MCUB: variants seen among roughly 807,000 people sequenced by gnomAD.
The protein encoded by MCUB is mitochondrial calcium uniporter dominant negative subunit beta.
MCUB carries 46 observed loss-of-function variants against 41.4 expected under a neutral mutation model. The observed-to-expected ratio is 1.11, with a 90% CI of 0.88 to 1.42. The LOEUF is 1.42. Among genes scored for constraint, MCUB ranks in the 40% most tolerant of loss-of-function variants. The probability of loss-of-function intolerance (pLI) is 0.00; values close to 1 mark genes in which losing one functional copy is unlikely to be tolerated. For synonymous variants in MCUB, 148 were observed against 148.2 expected, an observed-to-expected ratio of 1.00 and a Z score of 0.01; for missense variants, 403 against 404.9, an observed-to-expected ratio of 1.00 and a Z score of 0.04.
chr4:109,590,740 T>C (rs1452579594), intron 1 of MCUB, among the ~76,000 whole-genome samples: 3 of 152,192 alleles, frequency 2.0e-5, no homozygotes, highest in Non-Finnish European at 4.4e-5. Flanking sequence ...AGGATTTAGC[T>C]CTTTTCACTC....
intron 1 of MCUB, among the ~76,000 whole-genome samples, chr4:109,578,250 A>G (rs1182032895): frequency 3.9e-5 from 6 of 152,310 alleles, no homozygotes; most frequent in African/African-American, 1.4e-4. Flanking sequence ...AAACCAATAT[A>G]TGGGAATATA....
At chr4:109,633,425 G>A (rs555852770) in intron 1 of MCUB, among the ~76,000 whole-genome samples, 8 of 130,812 alleles carry the variant, frequency 6.1e-5, no homozygotes, top group Admixed American at 3.7e-4. Context: ...GCACCACCAC[G>A]CCCAGCTAAT....
At chr4:109,677,865 AGGG>A (rs1469070776) in intron 4 of MCUB, among the ~76,000 whole-genome samples, 1 of 112,088 alleles carries the variant, frequency 8.9e-6, no homozygotes, top group Non-Finnish European at 1.7e-5. Flanking sequence ...TTTCTCGGAG[AGGG>A]GGATGTGGCA....
chr4:109,565,152 T>C (rs1014263792), intron 1 of MCUB, among the ~76,000 whole-genome samples: 1 of 152,186 alleles, frequency 6.6e-6, no homozygotes, highest in African/African-American at 2.4e-5. Flanking sequence ...AAATGGGTGG[T>C]GATATGACCA....
chr4:109,664,671 T>C (rs374608663), intron 4 of MCUB, among the ~76,000 whole-genome samples: 1 of 152,106 alleles, frequency 6.6e-6, no homozygotes, highest in South Asian at 2.1e-4. Context: ...AGCTGTGAGG[T>C]TTCCAGAGGG....
intron 1 of MCUB, among the ~76,000 whole-genome samples, chr4:109,656,355 T>C (rs1193567998): frequency 3.8e-4 from 4 of 10,510 alleles, no homozygotes; most frequent in African/African-American, 1.9e-3. Flanking sequence ...TACTCTCTAC[T>C]TTTTTTTTTT....
At chr4:109,663,222 A>G (rs538771286) in intron 3 of MCUB, among the ~76,000 whole-genome samples, 1 of 152,368 alleles carries the variant, frequency 6.6e-6, no homozygotes, top group East Asian at 1.9e-4. Context: ...ACTTAATTTC[A>G]TGTAATTATA....
chr4:109,681,379 A>G (rs1729713203), intron 4 of MCUB: 1 of 421,368 alleles, frequency 2.4e-6, no homozygotes, highest in African/African-American at 2.0e-5. Flanking sequence ...TGCAGTCTCC[A>G]AGCTGAAAAG....
rs191760956 is a variant in MCUB at position 109,587,589 on chromosome 4, T to G, written c.99+27153T>G. Reference sequence around the variant, plus strand: ...TGGAGCTGTTCCTATTCGTCCATCTTGGAACGGAAATCCAAAAAACTTTTT... The same window carrying G: ...TGGAGCTGTTCCTATTCGTCCATCTGGGAACGGAAATCCAAAAAACTTTTT... On this transcript the variant is annotated intron_variant, in intron 1 of 7. Coordinates refer to ENST00000394650, the MANE Select transcript of MCUB (RefSeq NM_017918.5). 7.7e-4 allele frequency among the ~76,000 whole-genome samples: 118 copies of G among 152,324 alleles called. 1 individual carries two copies. The highest frequency in any genetic ancestry group is 2.5e-3 in the African/African-American group (106 of 41,578).
intron 1 of MCUB, among the ~76,000 whole-genome samples, chr4:109,588,357 G>T (rs1727355774): frequency 6.6e-6 from 1 of 152,180 alleles, no homozygotes; most frequent in Non-Finnish European, 1.5e-5. Flanking sequence ...CTCATTCTGT[G>T]TCCTTGGGCA....
intron 1 of MCUB, among the ~76,000 whole-genome samples, chr4:109,575,349 A>C (rs1461213935): frequency 6.6e-6 from 1 of 152,194 alleles, no homozygotes; most frequent in Non-Finnish European, 1.5e-5. Flanking sequence ...TGATATTATT[A>C]ATCTTTCTGT....
intron 5 of MCUB, 49 bp from the exon 6 acceptor site, chr4:109,684,394 T>C (rs776739474): frequency 3.5e-6 from 5 of 1,443,330 alleles, no homozygotes; most frequent in Non-Finnish European, 2.8e-6. Flanking sequence ...TTTGTCCCTT[T>C]AGTTGGTGTA....
At chr4:109,676,938 G>T (rs1453728075) in intron 4 of MCUB, among the ~76,000 whole-genome samples, 1 of 152,260 alleles carries the variant, frequency 6.6e-6, no homozygotes, top group East Asian at 1.9e-4. Flanking sequence ...GCTGCCCCTT[G>T]AGAATCCAGA....
chr4:109,609,289 G>A (rs1473831209), intron 1 of MCUB, among the ~76,000 whole-genome samples: 2 of 152,212 alleles, frequency 1.3e-5, no homozygotes, highest in Non-Finnish European at 2.9e-5. Context: ...AGGGCTGCTG[G>A]TTGCCCATTT....
intron 1 of MCUB, among the ~76,000 whole-genome samples, chr4:109,640,004 C>T (rs747934246): frequency 3.6e-4 from 55 of 152,168 alleles, no homozygotes; most frequent in Non-Finnish European, 5.7e-4. Flanking sequence ...GTTTATTTCA[C>T]CTGGGTGCAG....
At chr4:109,644,684 A>C (rs1275227495) in intron 1 of MCUB, among the ~76,000 whole-genome samples, 1 of 152,232 alleles carries the variant, frequency 6.6e-6, no homozygotes, top group East Asian at 1.9e-4. Context: ...AAATTATTAC[A>C]GTTAACATTG....
intron 1 of MCUB, among the ~76,000 whole-genome samples, chr4:109,648,938 C>T (rs1197292851): frequency 6.6e-6 from 1 of 152,094 alleles, no homozygotes; most frequent in Non-Finnish European, 1.5e-5. Context: ...TACAAAAGTA[C>T]GCTATATTAA....
chr4:109,617,016 T>C (rs983074765), intron 1 of MCUB, among the ~76,000 whole-genome samples: 14 of 151,454 alleles, frequency 9.2e-5, no homozygotes, highest in Non-Finnish European at 1.8e-4. Context: ...TAGTCACCAT[T>C]CTTTGCACCT....
chr4:109,660,929 T>G (rs1729217753), intron 3 of MCUB, among the ~76,000 whole-genome samples: 1 of 152,234 alleles, frequency 6.6e-6, no homozygotes, highest in Non-Finnish European at 1.5e-5. Context: ...CTTAAAGGTT[T>G]TTCATGAGAA....
Sources: gnomAD v4.1 joint callset for allele counts (sites outside exome capture counted in the v4.1 genomes callset) on GRCh38, gnomAD v4.1.1 for gene constraint, MANE v1.5 for transcripts, NCBI Gene and HGNC (gene_info 2026-07-23, HGNC 2026-07-21) for gene names.